The following BABAM2 variants were observed in gnomAD, a reference collection of about 807,000 sequenced individuals.
BABAM2 encodes BRISC and BRCA1 A complex member 2.
In BABAM2, 31 loss-of-function variants were observed where a neutral mutation model predicts 54.7. The observed-to-expected ratio is 0.57, with a 90% CI of 0.43 to 0.77. BABAM2 has a LOEUF of 0.77. BABAM2 is among the 30% of genes least tolerant of loss of function. BABAM2 has a pLI of 0.00. For synonymous variants in BABAM2, 167 were observed against 162.9 expected (o/e 1.03, Z -0.19); for missense variants, 364 against 455.8 (o/e 0.80, Z 1.83).
intron 11 of BABAM2, among the ~76,000 whole-genome samples, chr2:28,313,215 G>T (rs553916079): frequency 1.3e-5 from 2 of 152,320 alleles, no homozygotes; most frequent in South Asian, 4.1e-4. Context: ...TAAAAACCAA[G>T]TACTTTTAAG....
intron 2 of BABAM2, among the ~76,000 whole-genome samples, chr2:27,905,375 C>T (rs58581481): frequency 0.054 from 8,234 of 152,094 alleles, 634 homozygotes; most frequent in African/African-American, 0.17. Flanking sequence ...TGTATCCTAA[C>T]TCTGCTTACA....
intron 6 of BABAM2, among the ~76,000 whole-genome samples, chr2:28,126,001 T>TA (rs1669489848): frequency 1.3e-5 from 2 of 152,206 alleles, no homozygotes; most frequent in Admixed American, 6.5e-5. Context: ...AGTTTGAAGC[T>TA]ACCTACACAC....
intron 7 of BABAM2, among the ~76,000 whole-genome samples, chr2:28,145,196 A>G (rs1476758812): frequency 1.3e-5 from 2 of 152,306 alleles, no homozygotes; most frequent in South Asian, 2.1e-4. Context: ...GAAACAAAGG[A>G]GAAAGATGAA....
intron 7 of BABAM2, among the ~76,000 whole-genome samples, chr2:28,223,823 AAC>A: frequency 6.6e-6 from 1 of 152,198 alleles, no homozygotes; most frequent in Non-Finnish European, 1.5e-5. Context: ...TCCATATCAG[AAC>A]CAGCTATGAG....
intron 7 of BABAM2, among the ~76,000 whole-genome samples, chr2:28,154,234 T>TA (rs1672334957): frequency 6.6e-6 from 1 of 152,210 alleles, no homozygotes; most frequent in Non-Finnish European, 1.5e-5. Context: ...CTGAAGGCCT[T>TA]AAAGTGCCAT....
chr2:27,961,218 A>T (rs974020579), intron 3 of BABAM2, among the ~76,000 whole-genome samples: 2 of 152,178 alleles, frequency 1.3e-5, no homozygotes, highest in Non-Finnish European at 2.9e-5. Context: ...AATAGTCCTA[A>T]GTGCTTTATT....
intron 10 of BABAM2, among the ~76,000 whole-genome samples, chr2:28,268,776 A>G (rs530492149): frequency 6.6e-6 from 1 of 152,312 alleles, no homozygotes; most frequent in South Asian, 2.1e-4. Flanking sequence ...GTCCTCCTGC[A>G]GTTTCCTTTA....
At chr2:27,906,713 G>T (rs996271934) in intron 2 of BABAM2, among the ~76,000 whole-genome samples, 6 of 152,124 alleles carry the variant, frequency 3.9e-5, no homozygotes, top group Non-Finnish European at 8.8e-5. Context: ...TGATGTAGGG[G>T]AAGAAGTGAA....
At chr2:28,235,070 G>A (rs1158480225) in intron 7 of BABAM2, among the ~76,000 whole-genome samples, 1 of 152,210 alleles carries the variant, frequency 6.6e-6, no homozygotes, top group African/African-American at 2.4e-5. Context: ...TAACATCTGA[G>A]TAGAAAAAGT....
At position 27,915,565 on chromosome 2, in the gene BABAM2, A is replaced by G. The variant is rs73923956; in HGVS notation, c.129-14267A>G. The stretch of plus-strand genomic sequence containing the variant: ...CTTTCAAACTACCTAACAACCAAAA[A>G]TACGTGGATGGCACACTTATCCCAT... On this transcript the variant is annotated intron_variant, in intron 2 of 11. Coordinates refer to ENST00000379624, the MANE Select transcript of BABAM2 (RefSeq NM_199191.3). 2.7e-3 allele frequency among the ~76,000 whole-genome samples: 405 copies of G among 152,330 alleles called. 3 individuals carry two copies. The highest frequency in any genetic ancestry group is 9.3e-3 in the African/African-American group (387 of 41,584).
At chr2:28,110,910 G>A (rs1667949986) in intron 6 of BABAM2, among the ~76,000 whole-genome samples, 1 of 150,942 alleles carries the variant, frequency 6.6e-6, no homozygotes, top group South Asian at 2.1e-4. Context: ...GATTTGAGGT[G>A]ATATCTTATT....
At chr2:28,206,195 C>T (rs1678825037) in intron 7 of BABAM2, among the ~76,000 whole-genome samples, 1 of 152,002 alleles carries the variant, frequency 6.6e-6, no homozygotes, top group African/African-American at 2.4e-5. Flanking sequence ...TTTCATGGTA[C>T]CTATATTCTA....
chr2:27,969,363 G>A lies in BABAM2; in HGVS notation c.206-18630G>A, dbSNP rs529565608. ...ACAGTGAGGGGGTGGGGAAGAGAAAGAGAGGGAGAAAAGCCAAAATAGGGT... is the reference window on the plus strand; with the variant it reads ...ACAGTGAGGGGGTGGGGAAGAGAAAAAGAGGGAGAAAAGCCAAAATAGGGT... On this transcript the variant is annotated intron_variant, in intron 3 of 11. Transcript: ENST00000379624. Among the ~76,000 whole-genome samples, 12 of 152,328 alleles carry A rather than the reference G, an allele frequency of 7.9e-5. No homozygotes were observed. The South Asian group carries it at 2.5e-3, about 32-fold the overall frequency.
intron 11 of BABAM2, among the ~76,000 whole-genome samples, chr2:28,301,296 C>T (rs1688090755): frequency 6.6e-6 from 1 of 152,208 alleles, no homozygotes; most frequent in South Asian, 2.1e-4. Flanking sequence ...AAGGACACTT[C>T]CTGGCACTGA....
At chr2:28,311,786 A>G (rs932231601) in intron 11 of BABAM2, among the ~76,000 whole-genome samples, 1 of 152,208 alleles carries the variant, frequency 6.6e-6, no homozygotes, top group African/African-American at 2.4e-5. Context: ...TCATGTTGAG[A>G]AACTTCCATC....
chr2:28,223,039 A>T (rs994676959), intron 7 of BABAM2, among the ~76,000 whole-genome samples: 4 of 152,206 alleles, frequency 2.6e-5, no homozygotes, highest in African/African-American at 9.6e-5. Context: ...GATATTTTTT[A>T]AAAGTAAAAG....
intron 11 of BABAM2, among the ~76,000 whole-genome samples, chr2:28,327,618 C>G (rs555013845): frequency 6.6e-6 from 1 of 152,128 alleles, no homozygotes; most frequent in Non-Finnish European, 1.5e-5. Flanking sequence ...GCGAGGAGGC[C>G]GAGCTGTATA....
intron 6 of BABAM2, among the ~76,000 whole-genome samples, chr2:28,047,325 C>G (rs1323854294): frequency 6.6e-6 from 1 of 152,194 alleles, no homozygotes; most frequent in Non-Finnish European, 1.5e-5. Context: ...ACCCTTATAG[C>G]ATATACTCAG....
chr2:28,297,059 A>G (rs981538917), intron 10 of BABAM2, among the ~76,000 whole-genome samples: 1 of 152,204 alleles, frequency 6.6e-6, no homozygotes, highest in African/African-American at 2.4e-5. Flanking sequence ...TACATACTTC[A>G]TAATGACAAC....
Sources: allele counts gnomAD v4.1 joint callset (sites outside exome capture counted in the v4.1 genomes callset), GRCh38; gene constraint gnomAD v4.1.1; transcripts MANE v1.5; gene names NCBI Gene and HGNC (gene_info 2026-07-23, HGNC 2026-07-21).